Variants in IGF2BP2 observed in about 807,000 individuals in gnomAD.
IGF2BP2 encodes insulin-like growth factor 2 mRNA-binding protein 2.
IGF2BP2 carries 17 observed loss-of-function variants against 75.8 expected under a neutral mutation model. The ratio of observed to expected loss-of-function variants is 0.22; its 90% CI spans 0.15 to 0.34. The LOEUF is 0.34. IGF2BP2 is among the 10% of genes least tolerant of loss of function. The pLI is 1.00. For missense variants in IGF2BP2, 516 were observed against 772.4 expected, an observed-to-expected ratio of 0.67 and a Z score of 3.93; for synonymous variants, 288 against 295.6, an observed-to-expected ratio of 0.97 and a Z score of 0.26.
intron 2 of IGF2BP2, among the ~76,000 whole-genome samples, chr3:185,822,900 C>A (rs887034247): frequency 6.6e-5 from 10 of 151,618 alleles, no homozygotes; most frequent in African/African-American, 2.2e-4. Context: ...AGGGTCCCAG[C>A]GAACTGAACA....
intron 10 of IGF2BP2, among the ~76,000 whole-genome samples, chr3:185,665,408 A>AGGAGGAGGAG (rs1560251068): frequency 1.4e-4 from 10 of 72,840 alleles, no homozygotes; most frequent in South Asian, 4.4e-4. Context: ...GAGGAGAAGG[A>AGGAGGAGGAG]AAAGGAGGAG....
At chr3:185,760,472 G>A (rs954896216) in intron 2 of IGF2BP2, among the ~76,000 whole-genome samples, 1 of 152,156 alleles carries the variant, frequency 6.6e-6, no homozygotes. Flanking sequence ...GCTGTGCAGT[G>A]ATCCCCACTA....
At chr3:185,774,646 A>T (rs1734309671) in intron 2 of IGF2BP2, among the ~76,000 whole-genome samples, 1 of 151,818 alleles carries the variant, frequency 6.6e-6, no homozygotes, top group Admixed American at 6.6e-5. Context: ...AAGAAACACC[A>T]GTGGGGCCAA....
intron 2 of IGF2BP2, among the ~76,000 whole-genome samples, chr3:185,777,278 T>G (rs1229497154): frequency 2.6e-5 from 4 of 152,218 alleles, no homozygotes; most frequent in Non-Finnish European, 5.9e-5. Context: ...ACCACCAGCC[T>G]GGGCAACATG....
intron 2 of IGF2BP2, among the ~76,000 whole-genome samples, chr3:185,781,255 A>T (rs1009305633): frequency 1.3e-4 from 20 of 152,202 alleles, no homozygotes; most frequent in African/African-American, 3.9e-4. Flanking sequence ...AACAAATACA[A>T]AAGCAGACAA....
At chr3:185,786,086 T>A (rs1042528002) in intron 2 of IGF2BP2, among the ~76,000 whole-genome samples, 10 of 152,158 alleles carry the variant, frequency 6.6e-5, no homozygotes, top group Non-Finnish European at 1.0e-4. Flanking sequence ...AATTAAACTT[T>A]TTTTTTTTCA....
chr3:185,754,068 G>A (rs1384918310), intron 2 of IGF2BP2, among the ~76,000 whole-genome samples: 1 of 152,038 alleles, frequency 6.6e-6, no homozygotes, highest in East Asian at 1.9e-4. Flanking sequence ...CATTAGCTGG[G>A]TGTTGTGGTG....
At chr3:185,751,945 G>A (rs576364331) in intron 2 of IGF2BP2, among the ~76,000 whole-genome samples, 7 of 152,172 alleles carry the variant, frequency 4.6e-5, no homozygotes, top group East Asian at 1.9e-4. Flanking sequence ...CCTGGGCAAC[G>A]AGGGAGACTC....
intron 10 of IGF2BP2, among the ~76,000 whole-genome samples, chr3:185,664,494 G>A (rs568889040): frequency 2.6e-5 from 4 of 152,272 alleles, no homozygotes; most frequent in East Asian, 1.9e-4. Flanking sequence ...CAAATGACCC[G>A]AGTGAATTAA....
Position 185,645,269 on chromosome 3 carries a change from T to G in IGF2BP2, c.*262A>C, listed in dbSNP as rs1577773794. 1 of 530,582 alleles carries G rather than the reference T, an allele frequency of 1.9e-6. No individual in the cohort carries two copies. The highest frequency in any genetic ancestry group is 1.9e-5 in the African/African-American group (1 of 52,394). 32.9% of individuals were successfully genotyped at this position (530,582 alleles called of 1,614,324 possible). On this transcript the variant is annotated 3_prime_UTR_variant, in exon 16 of 16. Transcript: ENST00000382199. The surrounding 1 kb of genome is among the most constrained non-coding windows in gnomAD (Gnocchi z 4.9). Reference sequence around the variant, plus strand: ...GGAGAGATCCGAGTGGATGGTGAAGTGGATGGCTGAAGCCTGCAGAAGCCC... The same window carrying G: ...GGAGAGATCCGAGTGGATGGTGAAGGGGATGGCTGAAGCCTGCAGAAGCCC...
At chr3:185,819,312 T>C (rs1369195663) in intron 2 of IGF2BP2, among the ~76,000 whole-genome samples, 2 of 152,120 alleles carry the variant, frequency 1.3e-5, no homozygotes, top group Non-Finnish European at 2.9e-5. Context: ...CAATTTAAAA[T>C]TTTTATGTAT....
At chr3:185,697,272 A>T (rs2149354350) in intron 3 of IGF2BP2, among the ~76,000 whole-genome samples, 1 of 152,122 alleles carries the variant, frequency 6.6e-6, no homozygotes, top group African/African-American at 2.4e-5. Flanking sequence ...TGCCTGGCTA[A>T]TTTTTGTATT....
At chr3:185,738,826 A>C (rs1434544388) in intron 2 of IGF2BP2, among the ~76,000 whole-genome samples, 1 of 152,238 alleles carries the variant, frequency 6.6e-6, no homozygotes, top group East Asian at 1.9e-4. Context: ...TTTGCTAAAT[A>C]CAAACTTTAA....
chr3:185,780,026 C>G (rs1323557221), intron 2 of IGF2BP2, among the ~76,000 whole-genome samples: 1 of 152,142 alleles, frequency 6.6e-6, no homozygotes, highest in Non-Finnish European at 1.5e-5. Context: ...CCAGTACAGA[C>G]AGTAAACGGA....
At chr3:185,699,282 T>C (rs938637013) in intron 2 of IGF2BP2, among the ~76,000 whole-genome samples, 1 of 152,166 alleles carries the variant, frequency 6.6e-6, no homozygotes, top group Non-Finnish European at 1.5e-5. Context: ...ATCATACAGA[T>C]TCTATTTATA....
At chr3:185,815,719 C>A (rs1265801988) in intron 2 of IGF2BP2, among the ~76,000 whole-genome samples, 1 of 152,254 alleles carries the variant, frequency 6.6e-6, no homozygotes, top group Middle Eastern at 3.4e-3. Context: ...TTGGAAATAA[C>A]CTTCTTTCAC....
At chr3:185,821,197 CCAAT>C in intron 2 of IGF2BP2, 1 of 1,360,318 alleles carries the variant, frequency 7.4e-7, no homozygotes, top group Non-Finnish European at 9.6e-7. Context: ...TTAAAACCAT[CCAAT>C]CAGAAATGAT....
rs1393171276 is a variant in IGF2BP2, at chr3:185,644,311, C to T, written c.*1220G>A. ...AACCTTGGTAAATTTCTACTTTCCT[C>T]CACATTTTTTTTTTTTAAAGAAAGG... On this transcript the variant is annotated 3_prime_UTR_variant, in exon 16 of 16. Transcript: ENST00000382199. The T allele has an allele frequency of 2.0e-5, 3 of 152,256 alleles. No homozygotes were observed. Among genetic ancestry groups the T allele is most frequent in the Non-Finnish European group, 4.4e-5 (3 of 67,976 alleles). 9.4% of individuals were successfully genotyped at this position (152,256 alleles called of 1,614,324 possible). A position where few individuals can be genotyped will look rare whatever the true frequency, so the allele number is the denominator to read the frequency against.
intron 2 of IGF2BP2, among the ~76,000 whole-genome samples, chr3:185,708,431 G>C (rs555041376): frequency 6.6e-6 from 1 of 152,114 alleles, no homozygotes; most frequent in Non-Finnish European, 1.5e-5. Context: ...TCCAGGAAGG[G>C]TTATTTTGGA....
Sources: gnomAD v4.1 joint callset for allele counts (sites outside exome capture counted in the v4.1 genomes callset) on GRCh38, gnomAD v4.1.1 for gene constraint, Gnocchi (gnomAD v3.1) non-coding constraint, MANE v1.5 for transcripts, NCBI Gene and HGNC (gene_info 2026-07-23, HGNC 2026-07-21) for gene names.